Variants in WDR25 observed in about 807,000 individuals in gnomAD.
WDR25 encodes the protein WD repeat-containing protein 25.
WDR25 carries 35 observed loss-of-function variants against 47.7 expected under a neutral mutation model. That is an observed-to-expected ratio of 0.73 (90% CI 0.56 to 0.97). The LOEUF (loss-of-function observed/expected upper bound fraction) is 0.97. Ranked by LOEUF, WDR25 falls within the 50% of genes least tolerant of loss-of-function variation. The probability of loss-of-function intolerance (pLI) is 0.00; values close to 1 mark genes in which losing one functional copy is unlikely to be tolerated. For synonymous variants in WDR25, 248 were observed against 278.9 expected (o/e 0.89, Z 1.10); for missense variants, 634 against 704.7 (o/e 0.90, Z 1.14).
chr14:100,382,184 G>C lies in WDR25; in HGVS notation c.822+438G>C, dbSNP rs949030967. 2.0e-5 allele frequency: 14 copies of C among 702,848 alleles called. No homozygotes were observed. In the African/African-American group the frequency reaches 2.4e-4, roughly 12 times the overall value. 43.5% of individuals were successfully genotyped at this position (702,848 alleles called of 1,614,324 possible). ...GACCCAGCCCCTGGTGTCAGGGCTT[G>C]CACAGTGAGGCGGGAGCCGTGGACA... is the stretch of plus-strand genomic sequence containing the variant. On this transcript the variant is annotated intron_variant, in intron 2 of 6. Coordinates refer to ENST00000402312, the MANE Select transcript of WDR25 (RefSeq NM_001161476.3).
intron 2 of WDR25, among the ~76,000 whole-genome samples, chr14:100,383,409 A>T (rs996791886): frequency 3.3e-5 from 5 of 152,188 alleles, no homozygotes; most frequent in Non-Finnish European, 7.3e-5. Flanking sequence ...GGAGGATGGG[A>T]AGCCCATCTG....
intron 2 of WDR25, among the ~76,000 whole-genome samples, chr14:100,458,947 A>AT (rs1446584480): frequency 2.6e-5 from 4 of 152,334 alleles, no homozygotes; most frequent in South Asian, 4.1e-4. Flanking sequence ...TTGGGAAGAA[A>AT]TTTTCAAATC....
rs891421972 is a variant in WDR25 at position 100,472,631 on chromosome 14, A to T, written c.970+4463A>T. Among the ~76,000 whole-genome samples, 5 of 152,172 alleles carry T rather than the reference A, an allele frequency of 3.3e-5. No individual in the cohort carries two copies. The South Asian group carries it at 8.3e-4, about 25-fold the overall frequency. On this transcript the variant is annotated intron_variant, in intron 3 of 6. Transcript: ENST00000402312. ...GGGCCACTTTTCGATCATCATCCAG[A>T]GGCCCCTGCTGGTCCCCTCAGTGAG...
intron 2 of WDR25, among the ~76,000 whole-genome samples, chr14:100,402,917 C>G (rs796938364): frequency 2.6e-5 from 4 of 152,258 alleles, no homozygotes; most frequent in African/African-American, 9.6e-5. Context: ...TTAGGGAGAT[C>G]TGCTAGGAGG....
intron 2 of WDR25, among the ~76,000 whole-genome samples, chr14:100,421,344 G>A (rs1262820006): frequency 6.6e-6 from 1 of 152,158 alleles, no homozygotes; most frequent in Non-Finnish European, 1.5e-5. Context: ...GCAAAGGGAG[G>A]TTTATTGAGC....
chr14:100,492,371 G>A (rs1900594938), intron 4 of WDR25, among the ~76,000 whole-genome samples: 1 of 152,220 alleles, frequency 6.6e-6, no homozygotes, highest in African/African-American at 2.4e-5. Context: ...CTGGGACTGT[G>A]TAAGAAGACC....
At chr14:100,412,279 G>A (rs539200097) in intron 2 of WDR25, among the ~76,000 whole-genome samples, 7 of 151,926 alleles carry the variant, frequency 4.6e-5, no homozygotes, top group Non-Finnish European at 1.0e-4. Flanking sequence ...TAGTATTGAC[G>A]TGTTTGGTTT....
rs1292650879 is a variant in WDR25, at chr14:100,381,764, ACTT to A, written c.822+21_822+23del. On this transcript the variant is annotated intron_variant, in intron 2 of 6. Transcript: ENST00000402312. ...CTTTCAAGGTAAGACTTGAATGAAAACTTCTGCTTTCAGATGCTCTTAGGAATA... is the reference window on the plus strand; with the variant it reads ...CTTTCAAGGTAAGACTTGAATGAAAACTGCTTTCAGATGCTCTTAGGAATA... 9.6e-6 allele frequency: 15 copies of A among 1,561,104 alleles called. No homozygotes were observed. The highest frequency in any genetic ancestry group is 1.4e-5 in the African/African-American group (1 of 72,792).
intron 2 of WDR25, chr14:100,454,868 A>G (rs1899149683): frequency 5.8e-6 from 1 of 173,068 alleles, no homozygotes; most frequent in Non-Finnish European, 1.2e-5. Context: ...CTGCTGCTGC[A>G]CACCGCAAGG....
intron 4 of WDR25, among the ~76,000 whole-genome samples, chr14:100,518,839 A>C (rs921222948): frequency 8.6e-5 from 13 of 151,668 alleles, no homozygotes; most frequent in South Asian, 2.1e-4. Context: ...AGTTGCAGTG[A>C]GCCAAGATCG....
chr14:100,395,972 GTTTTTTTTTTT>G (rs575737706), intron 2 of WDR25, among the ~76,000 whole-genome samples: 5 of 117,254 alleles, frequency 4.3e-5, no homozygotes, highest in Non-Finnish European at 5.3e-5. Flanking sequence ...TCTGTGAAAT[GTTTTTTTTTTT>G]TTTTTTTTTT....
chr14:100,388,437 T>C (rs964352982), intron 2 of WDR25, among the ~76,000 whole-genome samples: 5 of 152,222 alleles, frequency 3.3e-5, no homozygotes, highest in Middle Eastern at 3.2e-3. Flanking sequence ...GTCTGGACAC[T>C]ATATTTGCTT....
In WDR25 at chr14:100,430,776, A is replaced by G. The variant is rs1057368561; in HGVS notation, c.823-37245A>G. Among the ~76,000 whole-genome samples the G allele has an allele frequency of 1.3e-5, 2 of 152,118 alleles. No homozygotes were observed. Among genetic ancestry groups the G allele is most frequent in the African/African-American group, 4.8e-5 (2 of 41,418 alleles). ...CGTGCGGAGTGGGCCTGCACAGATGAGGCTTGCTTCGTGCTCCCCAGCCTG... is the reference window on the plus strand; with the variant it reads ...CGTGCGGAGTGGGCCTGCACAGATGGGGCTTGCTTCGTGCTCCCCAGCCTG... On this transcript the variant is annotated intron_variant, in intron 2 of 6. Coordinates refer to ENST00000402312, the MANE Select transcript of WDR25 (RefSeq NM_001161476.3). This position sits in a 1 kb window ranked among gnomAD's most constrained non-coding sequence, Gnocchi z 4.7.
At chr14:100,414,754 C>T (rs934450200) in intron 2 of WDR25, among the ~76,000 whole-genome samples, 1 of 151,918 alleles carries the variant, frequency 6.6e-6, no homozygotes, top group Non-Finnish European at 1.5e-5. Flanking sequence ...CTTTGAGCAA[C>T]GAGGTGACAC....
intron 2 of WDR25, among the ~76,000 whole-genome samples, chr14:100,403,889 G>A (rs1218010209): frequency 6.6e-6 from 1 of 152,146 alleles, no homozygotes; most frequent in African/African-American, 2.4e-5. Context: ...GGCAGCTTCC[G>A]GGGAATAAGA....
At position 100,499,477 on chromosome 14, in the gene WDR25, A is replaced by G. The variant is rs1157436736; in HGVS notation, c.1101+15353A>G. On this transcript the variant is annotated intron_variant, in intron 4 of 6. Coordinates refer to ENST00000402312, the MANE Select transcript of WDR25 (RefSeq NM_001161476.3). This position sits in a 1 kb window ranked among gnomAD's most constrained non-coding sequence, Gnocchi z 4.4. ...TAAGCATGGTTTTTAGGTTCCGGAA[A>G]CCACTGCCTGCTTCCTTCCAGAAGT... Among the ~76,000 whole-genome samples, 1 of 152,196 alleles carries G rather than the reference A, an allele frequency of 6.6e-6. No homozygotes were observed. Among genetic ancestry groups the G allele is most frequent in the African/African-American group, 2.4e-5 (1 of 41,432 alleles).
Position 100,459,918 on chromosome 14 carries a change from A to G in WDR25, c.823-8103A>G, listed in dbSNP as rs1487102551. Among the ~76,000 whole-genome samples the G allele has an allele frequency of 7.5e-3, 772 of 102,472 alleles. 61 individuals are homozygous for G. The highest frequency in any genetic ancestry group is 0.029 in the African/African-American group (685 of 23,578). 67.2% of individuals were successfully genotyped at this position (102,472 alleles called of 152,430 possible). On this transcript the variant is annotated intron_variant, in intron 2 of 6. Coordinates refer to ENST00000402312, the MANE Select transcript of WDR25 (RefSeq NM_001161476.3). ...TGTATATATATATATATATATATAT[A>G]TATATATATATATATATATATACAC...
Position 100,381,236 on chromosome 14 carries a change from A to C in WDR25, c.312A>C (p.Gln104His). 4 of 1,613,704 alleles carry C rather than the reference A, an allele frequency of 2.5e-6. No homozygotes were observed. Among genetic ancestry groups the C allele is most frequent in the Non-Finnish European group, 3.4e-6 (4 of 1,179,930 alleles). The stretch of plus-strand genomic sequence containing the variant: ...TACAGTGGCCCGGGAAGGAGCCTCA[A>C]GTCACCTTCCCCATCAAAGAGCCTT... ...QRLQWPGKEP[Q>H]VTFPIKEPSC... The change falls in exon 2 of 7, where the codon CAA becomes CAC. Residue 104 changes from glutamine to histidine, a missense_variant. Coordinates refer to ENST00000402312, the MANE Select transcript of WDR25 (RefSeq NM_001161476.3).
At position 100,412,121 on chromosome 14, in the gene WDR25, C is replaced by T. The variant is rs183720953; in HGVS notation, c.822+30375C>T. On this transcript the variant is annotated intron_variant, in intron 2 of 6. Transcript: ENST00000402312. ...ACTCAGGAGGCTGAGGTGGGAGGAT[C>T]ACTCGAGTCCAGGAGTTCAAGGCTG... Among the ~76,000 whole-genome samples, 10 of 149,960 alleles carry T rather than the reference C, an allele frequency of 6.7e-5. No homozygotes were observed. In the East Asian group the frequency reaches 1.8e-3, roughly 27 times the overall value.
Sources: allele counts gnomAD v4.1 joint callset (sites outside exome capture counted in the v4.1 genomes callset), GRCh38; gene constraint gnomAD v4.1.1; non-coding constraint Gnocchi (gnomAD v3.1); transcripts MANE v1.5; gene names NCBI Gene and HGNC (gene_info 2026-07-23, HGNC 2026-07-21).